The following ERC2 variants were observed in gnomAD, a reference collection of about 807,000 sequenced individuals.
The protein encoded by ERC2 is ELKS/RAB6-interacting/CAST family member 2.
ERC2 carries 42 observed loss-of-function variants against 114.8 expected under a neutral mutation model. The ratio of observed to expected loss-of-function variants is 0.37; its 90% CI spans 0.29 to 0.47. The LOEUF (loss-of-function observed/expected upper bound fraction) is 0.47, where lower values mean the gene tolerates loss of function less well. ERC2 is among the 20% of genes least tolerant of loss of function. The pLI, the probability that ERC2 is intolerant of heterozygous loss-of-function variation, is 0.99. For missense variants in ERC2, 939 were observed against 1,150.7 expected, an observed-to-expected ratio of 0.82 and a Z score of 2.66; for synonymous variants, 454 against 425.5, an observed-to-expected ratio of 1.07 and a Z score of -0.82.
At chr3:55,645,668 G>C (rs2060362826) in intron 17 of ERC2, among the ~76,000 whole-genome samples, 1 of 152,174 alleles carries the variant, frequency 6.6e-6, no homozygotes, top group Non-Finnish European at 1.5e-5. Flanking sequence ...GATGTACATA[G>C]AGTTGACTCT....
intron 2 of ERC2, among the ~76,000 whole-genome samples, chr3:56,407,168 C>T (rs1484373661): frequency 4.6e-5 from 7 of 152,158 alleles, no homozygotes; most frequent in Admixed American, 4.6e-4. Flanking sequence ...CTTTCACCCA[C>T]CCCCAAATTT....
intron 13 of ERC2, among the ~76,000 whole-genome samples, chr3:55,949,882 C>T (rs1292264310): frequency 6.6e-6 from 1 of 152,144 alleles, no homozygotes; most frequent in Non-Finnish European, 1.5e-5. Context: ...ATTGGTGTTT[C>T]CAGTGAGTTG....
chr3:56,335,002 A>C (rs2057787634), intron 2 of ERC2, among the ~76,000 whole-genome samples: 1 of 152,160 alleles, frequency 6.6e-6, no homozygotes. Flanking sequence ...ACAGGGTTTC[A>C]CTACGCTGGT....
chr3:55,808,749 TAACTA>T lies in ERC2; in HGVS notation c.2565-73836_2565-73832del, dbSNP rs1405072690. 3.7e-5 allele frequency among the ~76,000 whole-genome samples: 4 copies of T among 108,492 alleles called. 1 individual carries two copies. Among genetic ancestry groups the T allele is most frequent in the African/African-American group, 8.1e-5 (2 of 24,784 alleles). 71.2% of individuals were successfully genotyped at this position (108,492 alleles called of 152,430 possible). A position where few individuals can be genotyped will look rare whatever the true frequency, so the allele number is the denominator to read the frequency against. On this transcript the variant is annotated intron_variant, in intron 14 of 17. Coordinates refer to ENST00000288221, the MANE Select transcript of ERC2 (RefSeq NM_015576.3). Reference sequence around the variant, plus strand: ...TATATATATATATATATATAACGTATAACTAAACATATATATATATATATATAATT... The same window carrying T: ...TATATATATATATATATATAACGTATAACATATATATATATATATATAATT...
At chr3:55,901,430 G>C (rs2064131690) in intron 13 of ERC2, among the ~76,000 whole-genome samples, 1 of 152,122 alleles carries the variant, frequency 6.6e-6, no homozygotes, top group South Asian at 2.1e-4. Context: ...TCATGGAGTT[G>C]AAAGATTATT....
chr3:55,908,553 C>T (rs1234859197), intron 13 of ERC2, among the ~76,000 whole-genome samples: 1 of 152,084 alleles, frequency 6.6e-6, no homozygotes, highest in Non-Finnish European at 1.5e-5. Context: ...GTGGGCTGGG[C>T]TGGCAGGTGA....
intron 3 of ERC2, among the ~76,000 whole-genome samples, chr3:56,249,382 G>A (rs576807712): frequency 6.6e-6 from 1 of 151,998 alleles, no homozygotes; most frequent in South Asian, 2.1e-4. Context: ...CTGGAGTGCA[G>A]TGGTGCAATC....
chr3:56,362,793 G>C (rs2059008028), intron 2 of ERC2, among the ~76,000 whole-genome samples: 1 of 152,226 alleles, frequency 6.6e-6, no homozygotes, highest in Admixed American at 6.5e-5. Context: ...TTAGAGCAGA[G>C]AGGGACCTTG....
intron 11 of ERC2, among the ~76,000 whole-genome samples, chr3:55,987,141 T>TTGATAA (rs1389036926): frequency 3.9e-5 from 6 of 152,206 alleles, no homozygotes; most frequent in African/African-American, 1.4e-4. Context: ...AAGTGTTGAT[T>TTGATAA]TGATAATCCC....
intron 7 of ERC2, among the ~76,000 whole-genome samples, chr3:56,061,103 TTTA>T (rs1329577357): frequency 6.6e-6 from 1 of 152,178 alleles, no homozygotes; most frequent in African/African-American, 2.4e-5. Context: ...TCCTCAAGCC[TTTA>T]TTCTCAGTTA....
At chr3:55,916,605 T>A (rs932392279) in intron 13 of ERC2, among the ~76,000 whole-genome samples, 1 of 152,160 alleles carries the variant, frequency 6.6e-6, no homozygotes, top group African/African-American at 2.4e-5. Context: ...ACTGAGCGTG[T>A]TCCCACTGCA....
At chr3:56,019,131 T>C in intron 7 of ERC2, 100 bp from the exon 8 acceptor site, 2 of 917,704 alleles carry the variant, frequency 2.2e-6, no homozygotes, top group Non-Finnish European at 3.2e-6. Flanking sequence ...GAAAAAGACC[T>C]GAAATGATAG....
chr3:55,881,345 A>G (rs953471290), intron 14 of ERC2, among the ~76,000 whole-genome samples: 3 of 152,210 alleles, frequency 2.0e-5, no homozygotes, highest in African/African-American at 2.4e-5. Flanking sequence ...GAAGACGTCT[A>G]AAACCCAACA....
intron 7 of ERC2, among the ~76,000 whole-genome samples, chr3:56,045,476 A>G (rs1047345222): frequency 2.0e-5 from 3 of 152,108 alleles, no homozygotes; most frequent in African/African-American, 7.2e-5. Context: ...CCTGATAAGC[A>G]CCTCAAAGAT....
At chr3:56,044,894 A>G (rs2075381141) in intron 7 of ERC2, among the ~76,000 whole-genome samples, 1 of 152,180 alleles carries the variant, frequency 6.6e-6, no homozygotes. Context: ...AAAGCACCCT[A>G]CATCGTTATT....
chr3:56,307,776 AG>A (rs2056312307), intron 2 of ERC2, among the ~76,000 whole-genome samples: 1 of 151,992 alleles, frequency 6.6e-6, no homozygotes, highest in African/African-American at 2.4e-5. Flanking sequence ...GTGGAAAGGA[AG>A]GGTTCTATTG....
chr3:56,043,226 T>C (rs1249699227), intron 7 of ERC2, among the ~76,000 whole-genome samples: 2 of 152,186 alleles, frequency 1.3e-5, no homozygotes, highest in African/African-American at 2.4e-5. Context: ...AAATTTAGTA[T>C]GTAAAATATT....
rs1163300623 is a variant in ERC2, at chr3:55,733,541, C to T, written c.2712+1230G>A. Among the ~76,000 whole-genome samples the T allele has an allele frequency of 3.5e-4, 40 of 115,606 alleles. 1 individual carries two copies. The highest frequency in any genetic ancestry group is 1.2e-3 in the Admixed American group (12 of 10,042). 75.8% of individuals were successfully genotyped at this position (115,606 alleles called of 152,430 possible). On this transcript the variant is annotated intron_variant, in intron 15 of 17. Transcript: ENST00000288221. ...TCTGTCTCTCATTCTTTCTCTCTCT[C>T]TCACACACACACACACACACACACA...
chr3:55,804,609 A>G (rs921728112), intron 14 of ERC2, among the ~76,000 whole-genome samples: 1 of 152,166 alleles, frequency 6.6e-6, no homozygotes, highest in African/African-American at 2.4e-5. Context: ...GACCCTAAGA[A>G]GAACTGACAG....
Sources: allele counts gnomAD v4.1 joint callset (sites outside exome capture counted in the v4.1 genomes callset), GRCh38; gene constraint gnomAD v4.1.1; transcripts MANE v1.5; gene names NCBI Gene and HGNC (gene_info 2026-07-23, HGNC 2026-07-21).